ZNF268: variants seen among roughly 807,000 people sequenced by gnomAD.
ZNF268 encodes zinc finger protein 3.
Under a neutral mutation model 29.3 loss-of-function variants are expected in ZNF268, and 20 were observed. That is an observed-to-expected ratio of 0.68 (90% CI 0.48 to 0.99). The LOEUF (loss-of-function observed/expected upper bound fraction) is 0.99, where lower values mean the gene tolerates loss of function less well. Among genes scored for constraint, ZNF268 ranks in the 50% least tolerant of loss-of-function variants. ZNF268 has a pLI of 0.00. For synonymous variants in ZNF268, 429 were observed against 376.9 expected (o/e 1.14, Z -1.60); for missense variants, 1,240 against 1,121.6 (o/e 1.11, Z -1.51).
chr12:133,191,617 T>G lies in ZNF268; in HGVS notation c.361+2T>G. 1 of 1,613,838 alleles carries G rather than the reference T, an allele frequency of 6.2e-7. No individual in the cohort carries two copies. Among genetic ancestry groups the G allele is most frequent in the Non-Finnish European group, 8.5e-7 (1 of 1,179,858 alleles). ...ACTATAGCAACCTGGTGTCCCTAGG[T>G]AAGTGCTGCCTCCCTGAGGAGGAGT... On this transcript the variant is annotated splice_donor_variant, in intron 4 of 5. Transcript: ENST00000536435. LOFTEE classifies it high-confidence loss of function.
rs566079280 is a variant in ZNF268, at chr12:133,203,635, C to T, written c.1949C>T (p.Thr650Met). Residue 650 changes from threonine to methionine, a missense_variant, in exon 6 of 6, where the codon ACG becomes ATG. This residue lies in a region of ZNF268 where 1,177 missense variants were observed against 1,039.6 expected (regional missense o/e 1.13). Transcript: ENST00000536435. The stretch of plus-strand genomic sequence containing the variant: ...TGTAATGAATGTGGAAAAGCCTTTA[C>T]GTTCAAATCACAGCTCATTGTACAT... ...YSCNECGKAF[T>M]FKSQLIVHKG... 107 of 1,561,910 alleles carry T rather than the reference C, an allele frequency of 6.9e-5. 3 individuals are homozygous for T. The South Asian group carries it at 9.0e-4, about 13-fold the overall frequency.
chr12:133,210,765 C>T lies in ZNF268; in HGVS notation c.*6235C>T, dbSNP rs1566396036. 1 of 452,374 alleles carries T rather than the reference C, an allele frequency of 2.2e-6. No homozygotes were observed. Among genetic ancestry groups the T allele is most frequent in the East Asian group, 7.0e-5 (1 of 14,292 alleles). The allele number at this position is 452,374 out of a possible 1,614,324, so 28.0% of individuals were successfully genotyped here. The stretch of plus-strand genomic sequence containing the variant: ...CTCAGTCTTTACTGTGATGCAGCCT[C>T]TAGTGATCCCCAGGTCCTGAGTAGA... On this transcript the variant is annotated 3_prime_UTR_variant, in exon 6 of 6. Coordinates refer to ENST00000536435, the MANE Select transcript of ZNF268 (RefSeq NM_003415.3).
Position 133,210,773 on chromosome 12 carries a change from C to T in ZNF268, c.*6243C>T, listed in dbSNP as rs1197348895. ...TTACTGTGATGCAGCCTCTAGTGAT[C>T]CCCAGGTCCTGAGTAGAAGGAAGGC... On this transcript the variant is annotated 3_prime_UTR_variant, in exon 6 of 6. Coordinates refer to ENST00000536435, the MANE Select transcript of ZNF268 (RefSeq NM_003415.3). 4.4e-6 allele frequency: 2 copies of T among 453,224 alleles called. No individual in the cohort carries two copies. The highest frequency in any genetic ancestry group is 1.4e-4 in the East Asian group (2 of 14,308). The allele number at this position is 453,224 out of a possible 1,614,324, so 28.1% of individuals were successfully genotyped here. A position where few individuals can be genotyped will look rare whatever the true frequency, so the allele number is the denominator to read the frequency against.
At position 133,214,237 on chromosome 12, in the gene ZNF268, T is replaced by A. The variant is rs1255406435; in HGVS notation, c.*9707T>A. The A allele has an allele frequency of 6.6e-6, 1 of 152,218 alleles. No individual in the cohort carries two copies. The highest frequency in any genetic ancestry group is 1.5e-5 in the Non-Finnish European group (1 of 68,038). 9.4% of individuals were successfully genotyped at this position (152,218 alleles called of 1,614,324 possible). A position where few individuals can be genotyped will look rare whatever the true frequency, so the allele number is the denominator to read the frequency against. ...AAAAATACAATGAGATAACACTCCA[T>A]ACCCATCAGAATGTCTTATTATTTT... On this transcript the variant is annotated 3_prime_UTR_variant, in exon 6 of 6. Coordinates refer to ENST00000536435, the MANE Select transcript of ZNF268 (RefSeq NM_003415.3).
chr12:133,191,816 A>G (rs781620873), intron 4 of ZNF268, 92 bp from the exon 5 acceptor site: 4 of 1,518,136 alleles, frequency 2.6e-6, no homozygotes, highest in Non-Finnish European at 3.7e-6. Context: ...CAGCTTCATC[A>G]TGCTACCTCC....
chr12:133,184,161 G>A (rs532741468), intron 2 of ZNF268, among the ~76,000 whole-genome samples: 41 of 151,542 alleles, frequency 2.7e-4, no homozygotes, highest in Non-Finnish European at 4.6e-4. Context: ...GCTGGAGTGC[G>A]GTGGCGCGAT....
intron 5 of ZNF268, among the ~76,000 whole-genome samples, chr12:133,193,859 G>A (rs1403859558): frequency 5.3e-5 from 8 of 152,044 alleles, no homozygotes; most frequent in African/African-American, 1.4e-4. Context: ...AACTGGAATC[G>A]TCTCTCCCAC....
rs1956854610 is a variant in ZNF268 at position 133,204,678 on chromosome 12, A to G, written c.*148A>G. 1 of 592,580 alleles carries G rather than the reference A, an allele frequency of 1.7e-6. No individual in the cohort carries two copies. Among genetic ancestry groups the G allele is most frequent in the East Asian group, 3.0e-5 (1 of 33,720 alleles). 36.7% of individuals were successfully genotyped at this position (592,580 alleles called of 1,614,324 possible). A position where few individuals can be genotyped will look rare whatever the true frequency, so the allele number is the denominator to read the frequency against. ...ATGAATGCACAGCATATGGAAAGGCATCCACAGAAAGCTGTTCTTTACATG... is the reference window on the plus strand; with the variant it reads ...ATGAATGCACAGCATATGGAAAGGCGTCCACAGAAAGCTGTTCTTTACATG... On this transcript the variant is annotated 3_prime_UTR_variant, in exon 6 of 6. Coordinates refer to ENST00000536435, the MANE Select transcript of ZNF268 (RefSeq NM_003415.3).
At chr12:133,186,434 G>A (rs1455212340) in intron 2 of ZNF268, among the ~76,000 whole-genome samples, 4 of 150,560 alleles carry the variant, frequency 2.7e-5, no homozygotes, top group African/African-American at 9.8e-5. Context: ...CCAGGCTGGA[G>A]TACAGTGGCA....
intron 2 of ZNF268, 105 bp downstream of exon 2, chr12:133,182,135 C>T (rs1430256174): frequency 8.5e-7 from 1 of 1,175,134 alleles, no homozygotes; most frequent in African/African-American, 1.5e-5. Flanking sequence ...TCTCACCCCA[C>T]CGCTCTTTTA....
rs1956968291 is a variant in ZNF268, at chr12:133,210,888, C to T, written c.*6358C>T. The T allele has an allele frequency of 4.4e-6, 2 of 455,924 alleles. No homozygotes were observed. The highest frequency in any genetic ancestry group is 8.8e-6 in the Non-Finnish European group (2 of 226,810). 28.2% of individuals were successfully genotyped at this position (455,924 alleles called of 1,614,324 possible). The stretch of plus-strand genomic sequence containing the variant: ...ACAAGGTGTGTGCTTGCACCCCTTC[C>T]TTACTACCTAGGCACAGTGTTGGAT... On this transcript the variant is annotated 3_prime_UTR_variant, in exon 6 of 6. Transcript: ENST00000536435.
At chr12:133,198,089 C>G (rs111710298) in intron 5 of ZNF268, among the ~76,000 whole-genome samples, 2 of 151,826 alleles carry the variant, frequency 1.3e-5, no homozygotes, top group Non-Finnish European at 2.9e-5. Context: ...TTTTGCTGTT[C>G]TAGACATGAA....
intron 5 of ZNF268, among the ~76,000 whole-genome samples, chr12:133,198,900 T>C (rs1956683241): frequency 6.7e-6 from 1 of 148,214 alleles, no homozygotes; most frequent in African/African-American, 2.5e-5. Context: ...CCTGAGACTT[T>C]GCTGAAGTTG....
At chr12:133,187,207 G>A (rs888817043) in intron 2 of ZNF268, among the ~76,000 whole-genome samples, 11 of 150,956 alleles carry the variant, frequency 7.3e-5, no homozygotes, top group African/African-American at 2.7e-4. Context: ...CTTTTCACCT[G>A]TGCCGCCTTC....
chr12:133,212,032 C>T lies in ZNF268; in HGVS notation c.*7502C>T, dbSNP rs890108022. The T allele has an allele frequency of 1.3e-5, 2 of 152,164 alleles. No individual in the cohort carries two copies. The highest frequency in any genetic ancestry group is 2.9e-5 in the Non-Finnish European group (2 of 68,048). The allele number at this position is 152,164 out of a possible 1,614,324, so 9.4% of individuals were successfully genotyped here. A position where few individuals can be genotyped will look rare whatever the true frequency, so the allele number is the denominator to read the frequency against. Reference sequence around the variant, plus strand: ...TGGGGTACATCCATGCAATGGAGTCCTGTTCAGCAAGAGCAAGCTCTGAGG... The same window carrying T: ...TGGGGTACATCCATGCAATGGAGTCTTGTTCAGCAAGAGCAAGCTCTGAGG... On this transcript the variant is annotated 3_prime_UTR_variant, in exon 6 of 6. Coordinates refer to ENST00000536435, the MANE Select transcript of ZNF268 (RefSeq NM_003415.3).
chr12:133,183,135 G>GT (rs1289538574), intron 2 of ZNF268, among the ~76,000 whole-genome samples: 1 of 152,206 alleles, frequency 6.6e-6, no homozygotes, highest in African/African-American at 2.4e-5. Context: ...AAGTGGAACA[G>GT]TTTCATCCAG....
chr12:133,199,127 A>C (rs940180791), intron 5 of ZNF268, among the ~76,000 whole-genome samples: 20 of 152,118 alleles, frequency 1.3e-4, no homozygotes, highest in Non-Finnish European at 2.4e-4. Flanking sequence ...TTTCAAAGGG[A>C]ATGCTTCTAG....
chr12:133,199,530 T>A (rs1452872796), intron 5 of ZNF268, among the ~76,000 whole-genome samples: 5 of 151,906 alleles, frequency 3.3e-5, no homozygotes, highest in African/African-American at 1.2e-4. Flanking sequence ...GGCTTTGGTA[T>A]CAGGATGATG....
chr12:133,198,213 A>G (rs945324365), intron 5 of ZNF268, among the ~76,000 whole-genome samples: 1 of 148,012 alleles, frequency 6.8e-6, no homozygotes, highest in South Asian at 2.1e-4. Flanking sequence ...ATTTTTGTAT[A>G]AGGTGTAAGG....
Sources: allele counts gnomAD v4.1 joint callset (sites outside exome capture counted in the v4.1 genomes callset), GRCh38; gene constraint gnomAD v4.1.1; regional missense constraint gnomAD v4.1.1; transcripts MANE v1.5; gene names NCBI Gene and HGNC (gene_info 2026-07-23, HGNC 2026-07-21).